PROC: variants seen among roughly 807,000 people sequenced by gnomAD.
PROC encodes the protein vitamin K-dependent protein C.
A neutral mutation model predicts 36.3 loss-of-function variants in PROC; 22 were observed. That is an observed-to-expected ratio of 0.61 (90% CI 0.43 to 0.86). The LOEUF is 0.86. Ranked by LOEUF, PROC falls within the 40% of genes least tolerant of loss-of-function variation. The probability of loss-of-function intolerance (pLI) is 0.00; values close to 1 mark genes in which losing one functional copy is unlikely to be tolerated. For synonymous variants in PROC, 218 were observed against 244.5 expected (o/e 0.89, Z 1.01); for missense variants, 526 against 629.7 (o/e 0.84, Z 1.76).
chr2:127,423,651 T>A (rs748088406), intron 6 of PROC: 173 of 505,250 alleles, frequency 3.4e-4, no homozygotes, highest in Non-Finnish European at 4.9e-4. Flanking sequence ...CCCGCCTTCC[T>A]CCGGGCGCCC....
Position 127,428,833 on chromosome 2 carries a change from G to T in PROC, c.1273G>T (p.Gly425Cys). 2.5e-6 allele frequency: 4 copies of T among 1,612,752 alleles called. No homozygotes were observed. Among genetic ancestry groups the T allele is most frequent in the Non-Finnish European group, 3.4e-6 (4 of 1,179,284 alleles). ...GGTGGGCCTGGTGAGCTGGGGTGAG[G>T]GCTGTGGGCTCCTTCACAACTACGG... Reference protein sequence around the residue: ...FLVGLVSWGEGCGLLHNYGVY... With the variant: ...FLVGLVSWGECCGLLHNYGVY... Residue 425 changes from glycine to cysteine, a missense_variant, in exon 9 of 9, where the codon GGC (glycine) becomes TGC (cysteine). Physicochemically the swap from Gly to Cys is radical, Grantham distance 159. Transcript: ENST00000234071.
At chr2:127,427,367 G>A (rs185518852) in intron 8 of PROC, 145 bp downstream of exon 8, 2 of 720,892 alleles carry the variant, frequency 2.8e-6, no homozygotes, top group Non-Finnish European at 4.7e-6. Context: ...GGGGGGAAGA[G>A]GCCTATGTGC....
chr2:127,420,105 T>C, intron 2 of PROC, 93 bp downstream of exon 2: 1 of 1,410,448 alleles, frequency 7.1e-7, no homozygotes, highest in African/African-American at 1.4e-5. Context: ...CCACCATCTC[T>C]CTGAGCCCTG....
At chr2:127,421,844 C>T (rs1176353570) in intron 3 of PROC, among the ~76,000 whole-genome samples, 1 of 152,198 alleles carries the variant, frequency 6.6e-6, no homozygotes, top group Non-Finnish European at 1.5e-5. Context: ...TCACTTCTGT[C>T]CACATAAAAT....
chr2:127,429,100 A>G lies in PROC; in HGVS notation c.*154A>G, dbSNP rs76963348. ...ATTTACTGAGCACCTGTTGTATGTCACATGCCTTATGAATAGAATCTTAAC... is the reference window on the plus strand; with the variant it reads ...ATTTACTGAGCACCTGTTGTATGTCGCATGCCTTATGAATAGAATCTTAAC... On this transcript the variant is annotated 3_prime_UTR_variant, in exon 9 of 9. Coordinates refer to ENST00000234071, the MANE Select transcript of PROC (RefSeq NM_000312.4). 1 of 820,286 alleles carries G rather than the reference A, an allele frequency of 1.2e-6. No homozygotes were observed. Among genetic ancestry groups the G allele is most frequent in the African/African-American group, 1.7e-5 (1 of 58,456 alleles). 50.8% of individuals were successfully genotyped at this position (820,286 alleles called of 1,614,324 possible). A position where few individuals can be genotyped will look rare whatever the true frequency, so the allele number is the denominator to read the frequency against.
chr2:127,420,137 G>A, intron 2 of PROC, 125 bp downstream of exon 2: 1 of 1,134,098 alleles, frequency 8.8e-7, no homozygotes, highest in Non-Finnish European at 1.3e-6. Flanking sequence ...GGGCAGATGG[G>A]AATGGCAGGA....
At chr2:127,423,480 G>C in intron 6 of PROC, 72 bp downstream of exon 6, 1 of 1,516,322 alleles carries the variant, frequency 6.6e-7, no homozygotes, top group Non-Finnish European at 8.8e-7. Context: ...GACGGGGCGC[G>C]GCGCGGGGGG....
intron 4 of PROC, 45 bp from the exon 5 acceptor site, chr2:127,422,989 T>A: frequency 6.2e-7 from 1 of 1,612,254 alleles, no homozygotes. Flanking sequence ...CCCGCGCCCC[T>A]CGGGATCTCT....
rs141040323 is a variant in PROC, at chr2:127,421,350, C to G, written c.138C>G (p.Phe46Leu). 4.5e-5 allele frequency: 72 copies of G among 1,613,832 alleles called. No homozygotes were observed. The highest frequency in any genetic ancestry group is 5.7e-5 in the Non-Finnish European group (67 of 1,179,954). Residue 46 changes from phenylalanine to leucine, a missense_variant, in exon 3 of 9, where the codon TTC (phenylalanine) becomes TTG (leucine). By Grantham distance (22) the Phe-to-Leu change is conservative (BLOSUM62 0). Transcript: ENST00000234071. ...GGATCCGCAAACGTGCCAACTCCTT[C>G]CTGGAGGAGCTCCGTCACAGCAGCC... ...VLRIRKRANS[F>L]LEELRHSSLE...
chr2:127,419,807 T>C, intron 1 of PROC, 115 bp from the exon 2 acceptor site: 1 of 1,569,562 alleles, frequency 6.4e-7, no homozygotes. Context: ...CAATCCCAGC[T>C]TCCGCCCTGA....
At position 127,423,012 on chromosome 2, in the gene PROC, C is replaced by T. The variant is rs911135739; in HGVS notation, c.263-22C>T. 2.5e-6 allele frequency: 4 copies of T among 1,612,456 alleles called. No homozygotes were observed. In the African/African-American group the frequency reaches 4.0e-5, roughly 16 times the overall value. On this transcript the variant is annotated intron_variant, in intron 4 of 8. Transcript: ENST00000234071. ...CCTCGGGATCTCTGGCCGCTGACCC[C>T]CTACCCCGCCTTGTGTCGCAGACGG...
At chr2:127,420,080 A>ACCAG in intron 2 of PROC, 68 bp downstream of exon 2, 1 of 1,524,282 alleles carries the variant, frequency 6.6e-7, no homozygotes, top group Non-Finnish European at 9.1e-7. Flanking sequence ...GCATCTGCCC[A>ACCAG]GGCCTTCACA....
chr2:127,419,664 A>G, intron 1 of PROC: 1 of 676,934 alleles, frequency 1.5e-6, no homozygotes, highest in South Asian at 1.9e-5. Context: ...GTCCCCAGGG[A>G]GGACACAAAC....
rs1191848415 is a variant in PROC, at chr2:127,428,608, A to T, written c.1048A>T (p.Lys350Ter). 6.2e-7 allele frequency: 1 copy of T among 1,614,034 alleles called. No individual in the cohort carries two copies. The highest frequency in any genetic ancestry group is 1.1e-5 in the South Asian group (1 of 91,092). Residue 350 changes from lysine (K) to a stop codon, truncating the protein, a stop_gained, in exon 9 of 9, where the codon AAG becomes TAG. Coordinates refer to ENST00000234071, the MANE Select transcript of PROC (RefSeq NM_000312.4). LOFTEE classifies it low-confidence loss of function (END_TRUNC). ...TGWGYHSSRE[K>*]EAKRNRTFVL... ...CTGGGGCTACCACAGCAGCCGAGAG[A>T]AGGAGGCCAAGAGAAACCGCACCTT... is the stretch of plus-strand genomic sequence containing the variant.
chr2:127,423,019 C>T lies in PROC; in HGVS notation c.263-15C>T. The T allele has an allele frequency of 1.2e-6, 2 of 1,612,568 alleles. No individual in the cohort carries two copies. Among genetic ancestry groups the T allele is most frequent in the South Asian group, 1.1e-5 (1 of 91,070 alleles). ...ATCTCTGGCCGCTGACCCCCTACCCCGCCTTGTGTCGCAGACGGTGACCAG... is the reference window on the plus strand; with the variant it reads ...ATCTCTGGCCGCTGACCCCCTACCCTGCCTTGTGTCGCAGACGGTGACCAG... On this transcript the variant is annotated splice_polypyrimidine_tract_variant and intron_variant, in intron 4 of 8. Transcript: ENST00000234071.
Position 127,420,022 on chromosome 2 carries a change from C to A in PROC, c.70+10C>A. On this transcript the variant is annotated intron_variant, in intron 2 of 8. Transcript: ENST00000234071. The stretch of plus-strand genomic sequence containing the variant: ...ACACCAGCTCCTCTTGGTAAGGCCA[C>A]CCCACCCCTACCCCGGGACCCTTGT... The A allele has an allele frequency of 6.2e-7, 1 of 1,612,866 alleles. No homozygotes were observed. Among genetic ancestry groups the A allele is most frequent in the South Asian group, 1.1e-5 (1 of 91,026 alleles).
intron 2 of PROC, 149 bp downstream of exon 2, chr2:127,420,161 T>C: frequency 9.8e-7 from 1 of 1,020,034 alleles, no homozygotes. Context: ...AACTGACAAG[T>C]CCCAGGTAGG....
chr2:127,422,805 T>C (rs1688187201), intron 3 of PROC, 112 bp from the exon 4 acceptor site: 1 of 1,426,198 alleles, frequency 7.0e-7, no homozygotes, highest in Non-Finnish European at 9.5e-7. Context: ...GATCCCTGTT[T>C]GTCTGGAAGC....
rs1688702815 is a variant in PROC at position 127,428,783 on chromosome 2, C to T, written c.1223C>T (p.Ala408Val). 1 of 1,612,300 alleles carries T rather than the reference C, an allele frequency of 6.2e-7. No homozygotes were observed. The highest frequency in any genetic ancestry group is 8.5e-7 in the Non-Finnish European group (1 of 1,179,186). The change falls in exon 9 of 9, where the codon GCC becomes GTC. Residue 408 changes from alanine (A) to valine (V), a missense_variant. Physicochemically the swap from Ala to Val is moderately conservative, Grantham distance 64. Coordinates refer to ENST00000234071, the MANE Select transcript of PROC (RefSeq NM_000312.4). ...GGCGACAGTGGGGGGCCCATGGTCGCCTCCTTCCACGGCACCTGGTTCCTG... is the reference window on the plus strand; with the variant it reads ...GGCGACAGTGGGGGGCCCATGGTCGTCTCCTTCCACGGCACCTGGTTCCTG... Reference protein sequence around the residue: ...CEGDSGGPMVASFHGTWFLVG... With the variant: ...CEGDSGGPMVVSFHGTWFLVG...
Sources: gnomAD v4.1 joint callset for allele counts (sites outside exome capture counted in the v4.1 genomes callset) on GRCh38, gnomAD v4.1.1 for gene constraint, MANE v1.5 for transcripts, NCBI Gene and HGNC (gene_info 2026-07-23, HGNC 2026-07-21) for gene names.